The following CCDC91 variants were observed in gnomAD, a reference collection of about 807,000 sequenced individuals.
CCDC91 encodes the protein coiled-coil domain containing 91, also known as coiled-coil domain-containing protein 91.
In CCDC91, 48 loss-of-function variants were observed where a neutral mutation model predicts 63.2. The ratio of observed to expected loss-of-function variants is 0.76; its 90% CI spans 0.60 to 0.97. The LOEUF (loss-of-function observed/expected upper bound fraction) is 0.97. Ranked by LOEUF, CCDC91 falls within the 50% of genes least tolerant of loss-of-function variation. The pLI, the probability that CCDC91 is intolerant of heterozygous loss-of-function variation, is 0.00. For missense variants in CCDC91, 500 were observed against 494.6 expected, an observed-to-expected ratio of 1.01 and a Z score of -0.10; for synonymous variants, 167 against 165.8, an observed-to-expected ratio of 1.01 and a Z score of -0.06.
chr12:28,248,563 T>C (rs899306159), intron 1 of CCDC91, among the ~76,000 whole-genome samples: 2 of 152,152 alleles, frequency 1.3e-5, no homozygotes, highest in Non-Finnish European at 2.9e-5. Context: ...ATGATAGTCT[T>C]ATATAGCATG....
At chr12:28,221,619 C>T (rs1362180448) in intron 1 of CCDC91, among the ~76,000 whole-genome samples, 1 of 152,162 alleles carries the variant, frequency 6.6e-6, no homozygotes, top group African/African-American at 2.4e-5. Flanking sequence ...TTGTTTAGGT[C>T]TAATACAGCC....
At chr12:28,385,718 G>A in intron 7 of CCDC91, among the ~76,000 whole-genome samples, 1 of 152,116 alleles carries the variant, frequency 6.6e-6, no homozygotes, top group Non-Finnish European at 1.5e-5. Flanking sequence ...CATCTGCTCT[G>A]CAAATCTGGA....
intron 1 of CCDC91, among the ~76,000 whole-genome samples, chr12:28,244,688 G>A (rs1945597470): frequency 6.6e-6 from 1 of 151,234 alleles, no homozygotes; most frequent in African/African-American, 2.4e-5. Flanking sequence ...GCAGTCAGTT[G>A]GAAAACTTAC....
chr12:28,351,055 A>G (rs1042413063), intron 6 of CCDC91, among the ~76,000 whole-genome samples: 5 of 152,160 alleles, frequency 3.3e-5, no homozygotes, highest in South Asian at 2.1e-4. Flanking sequence ...CCTGTCCCTC[A>G]CTGTGCAAAA....
At chr12:28,206,030 G>A (rs1367387176) in intron 1 of CCDC91, among the ~76,000 whole-genome samples, 1 of 152,182 alleles carries the variant, frequency 6.6e-6, no homozygotes, top group African/African-American at 2.4e-5. Flanking sequence ...AGGAACAAGA[G>A]TACCTCCTTA....
At chr12:28,293,542 A>G (rs747877779) in intron 3 of CCDC91, among the ~76,000 whole-genome samples, 57 of 152,188 alleles carry the variant, frequency 3.7e-4, no homozygotes, top group Non-Finnish European at 6.9e-4. Flanking sequence ...CACTGTATAT[A>G]TGCTAGCTAG....
chr12:28,447,002 G>C (rs1027258573), intron 8 of CCDC91, among the ~76,000 whole-genome samples: 1 of 152,082 alleles, frequency 6.6e-6, no homozygotes, highest in Non-Finnish European at 1.5e-5. Flanking sequence ...TCCTTTGCCC[G>C]TTGTCCTGTT....
chr12:28,427,030 T>C (rs11049591), intron 8 of CCDC91, among the ~76,000 whole-genome samples: 13,830 of 152,174 alleles, frequency 0.091, 1,950 homozygotes, highest in African/African-American at 0.3. Context: ...CTATTGTCTT[T>C]GGCTTCCCTA....
intron 3 of CCDC91, among the ~76,000 whole-genome samples, chr12:28,282,256 A>G (rs1948655462): frequency 6.6e-6 from 1 of 152,184 alleles, no homozygotes; most frequent in South Asian, 2.1e-4. Flanking sequence ...AGATGATTTA[A>G]GGAGCATTGG....
At chr12:28,301,835 A>G (rs1938112071) in intron 3 of CCDC91, among the ~76,000 whole-genome samples, 1 of 151,770 alleles carries the variant, frequency 6.6e-6, no homozygotes, top group African/African-American at 2.4e-5. Context: ...TGATTTACTT[A>G]GAAGTCTGTA....
At chr12:28,307,498 A>T in intron 5 of CCDC91, 147 bp from the exon 6 acceptor site, 1 of 538,674 alleles carries the variant, frequency 1.9e-6, no homozygotes. Context: ...AGAGTGAAGC[A>T]TATAATTTAT....
At chr12:28,535,995 T>C (rs1379639015) in intron 12 of CCDC91, among the ~76,000 whole-genome samples, 2 of 151,438 alleles carry the variant, frequency 1.3e-5, no homozygotes, top group East Asian at 1.9e-4. Context: ...CACCACTGCA[T>C]TCCAGCGTGG....
chr12:28,419,482 TC>T (rs1947874995), intron 8 of CCDC91, among the ~76,000 whole-genome samples: 1 of 152,130 alleles, frequency 6.6e-6, no homozygotes, highest in African/African-American at 2.4e-5. Context: ...AACCAATAAA[TC>T]TTTTTTTGTC....
chr12:28,348,047 A>G (rs1396484827), intron 6 of CCDC91, among the ~76,000 whole-genome samples: 2 of 152,162 alleles, frequency 1.3e-5, no homozygotes, highest in Admixed American at 1.3e-4. Context: ...AGACTATTAC[A>G]TTACTCTAAG....
intron 7 of CCDC91, among the ~76,000 whole-genome samples, chr12:28,372,179 T>G (rs1241060370): frequency 6.6e-6 from 1 of 152,218 alleles, no homozygotes; most frequent in African/African-American, 2.4e-5. Flanking sequence ...GGTTCTCTAT[T>G]CTGTTACATT....
intron 3 of CCDC91, among the ~76,000 whole-genome samples, chr12:28,282,884 A>C (rs539040409): frequency 6.6e-6 from 1 of 152,214 alleles, no homozygotes; most frequent in African/African-American, 2.4e-5. Context: ...GTTTTTACAT[A>C]TGGTGAGAGA....
intron 8 of CCDC91, among the ~76,000 whole-genome samples, chr12:28,443,144 C>A (rs200088294): frequency 4.6e-5 from 7 of 151,462 alleles, no homozygotes; most frequent in Non-Finnish European, 1.0e-4. Flanking sequence ...ATTTTTTTCC[C>A]AGGTCTAGTT....
chr12:28,476,659 C>CA (rs763335502), intron 11 of CCDC91, among the ~76,000 whole-genome samples: 22 of 151,918 alleles, frequency 1.4e-4, no homozygotes, highest in Admixed American at 1.2e-3. Context: ...AAAAACCCTT[C>CA]AAAAAATCAA....
intron 7 of CCDC91, among the ~76,000 whole-genome samples, chr12:28,378,675 A>G (rs971342099): frequency 6.6e-6 from 1 of 152,072 alleles, no homozygotes; most frequent in African/African-American, 2.4e-5. Flanking sequence ...CAGTTATTTG[A>G]TTGAATAAGG....
Sources: gnomAD v4.1 joint callset for allele counts (sites outside exome capture counted in the v4.1 genomes callset) on GRCh38, gnomAD v4.1.1 for gene constraint, MANE v1.5 for transcripts, NCBI Gene and HGNC (gene_info 2026-07-23, HGNC 2026-07-21) for gene names.